Variants in FRMD4B observed in about 807,000 individuals in gnomAD.
The protein encoded by FRMD4B is FERM domain containing 4B, also known as FERM domain-containing protein 4B.
FRMD4B carries 74 observed loss-of-function variants against 141.5 expected under a neutral mutation model. The observed-to-expected ratio is 0.52, with a 90% CI of 0.43 to 0.63. The LOEUF (loss-of-function observed/expected upper bound fraction) is 0.63, where lower values mean the gene tolerates loss of function less well. Among genes scored for constraint, FRMD4B ranks in the 30% least tolerant of loss-of-function variants. FRMD4B has a pLI of 0.00. For missense variants in FRMD4B, 1,366 were observed against 1,253.4 expected (o/e 1.09, Z -1.36); for synonymous variants, 506 against 467.9 (o/e 1.08, Z -1.05).
intron 10 of FRMD4B, among the ~76,000 whole-genome samples, chr3:69,217,689 T>A (rs1168261492): frequency 6.6e-6 from 1 of 152,108 alleles, no homozygotes; most frequent in Non-Finnish European, 1.5e-5. Flanking sequence ...TTATGTAAAT[T>A]TTCTAATTCC....
chr3:69,357,069 C>T (rs896567470), intron 1 of FRMD4B, among the ~76,000 whole-genome samples: 2 of 152,282 alleles, frequency 1.3e-5, no homozygotes, highest in Admixed American at 6.5e-5. Context: ...AATGTGGGTG[C>T]TTATAAACAC....
At chr3:69,372,266 A>G (rs1432399998) in intron 1 of FRMD4B, among the ~76,000 whole-genome samples, 1 of 152,182 alleles carries the variant, frequency 6.6e-6, no homozygotes, top group Non-Finnish European at 1.5e-5. Context: ...GTGGACTCTG[A>G]GCTCCACAAG....
intron 1 of FRMD4B, among the ~76,000 whole-genome samples, chr3:69,326,017 T>C (rs928924704): frequency 1.3e-4 from 20 of 152,080 alleles, no homozygotes; most frequent in African/African-American, 3.4e-4. Context: ...GAGTGGACCA[T>C]AGCTCACTGT....
intron 7 of FRMD4B, among the ~76,000 whole-genome samples, chr3:69,244,831 T>C (rs960976366): frequency 2.0e-5 from 3 of 151,994 alleles, no homozygotes; most frequent in African/African-American, 7.3e-5. Context: ...GAGGTGGAGG[T>C]TGCAATGAGC....
At chr3:69,386,285 C>T (rs938465622), upstream of FRMD4B, 14 of 280,060 alleles carry the variant, frequency 5.0e-5, no homozygotes, top group Admixed American at 3.7e-4. Flanking sequence ...CCTCGATGCT[C>T]CCGGGGCACG....
At chr3:69,267,628 TATATATATAGAGAGAGAGAGAGAGAG>T (rs1310109386) in intron 5 of FRMD4B, among the ~76,000 whole-genome samples, 570 of 11,634 alleles carry the variant, frequency 0.049, 1 homozygote, top group Non-Finnish European at 0.072. Flanking sequence ...TATATATATA[TATATATATAGAGAGAGAGAGAGAGAG>T]AGAGAGAGAG....
intron 1 of FRMD4B, among the ~76,000 whole-genome samples, chr3:69,379,560 G>C (rs779833221): frequency 6.6e-6 from 1 of 152,192 alleles, no homozygotes; most frequent in Admixed American, 6.5e-5. Flanking sequence ...TTATAGGCAC[G>C]AGGTGCCACA....
intron 3 of FRMD4B, among the ~76,000 whole-genome samples, chr3:69,309,987 C>G (rs571756118): frequency 6.6e-6 from 1 of 152,112 alleles, no homozygotes; most frequent in African/African-American, 2.4e-5. Context: ...CTATGCATGT[C>G]GGCATTTCCC....
rs115071402 is a variant in FRMD4B, at chr3:69,170,489, C to T, written c.*1372G>A. On this transcript the variant is annotated 3_prime_UTR_variant, in exon 23 of 23. Transcript: ENST00000398540. ...ATGACTAAGGACCAGTTTAACAAAT[C>T]GTTTTTATGTATATATTACATGCTT... 250 of 151,794 alleles carry T rather than the reference C, an allele frequency of 1.6e-3. No individual in the cohort carries two copies. Among genetic ancestry groups the T allele is most frequent in the African/African-American group, 5.6e-3 (230 of 41,408 alleles). The allele number at this position is 151,794 out of a possible 1,614,324, so 9.4% of individuals were successfully genotyped here.
intron 1 of FRMD4B, among the ~76,000 whole-genome samples, chr3:69,364,927 T>G (rs1458629082): frequency 1.3e-5 from 2 of 152,160 alleles, no homozygotes; most frequent in African/African-American, 4.8e-5. Context: ...TAAATGAAGT[T>G]TAGGCCATTT....
chr3:69,305,415 CAAAAT>C (rs1240695762), intron 3 of FRMD4B, among the ~76,000 whole-genome samples: 1 of 152,146 alleles, frequency 6.6e-6, no homozygotes, highest in Non-Finnish European at 1.5e-5. Context: ...GTGTGTAAAA[CAAAAT>C]AAGATAGGAG....
Position 69,349,135 on chromosome 3 carries a change from C to A in FRMD4B, c.163-35618G>T, listed in dbSNP as rs548546952. ...GCAACTTCAGCAAAGTCTCAGGATACAAAATCAATGTGCTAAAATCACAAG... is the reference window on the plus strand; with the variant it reads ...GCAACTTCAGCAAAGTCTCAGGATAAAAAATCAATGTGCTAAAATCACAAG... On this transcript the variant is annotated intron_variant, in intron 1 of 22. Coordinates refer to ENST00000398540, the MANE Select transcript of FRMD4B (RefSeq NM_015123.3). Among the ~76,000 whole-genome samples, 5 of 152,324 alleles carry A rather than the reference C, an allele frequency of 3.3e-5. No homozygotes were observed. The East Asian group carries it at 7.7e-4, about 24-fold the overall frequency.
intron 1 of FRMD4B, among the ~76,000 whole-genome samples, chr3:69,332,586 A>C (rs908978994): frequency 3.3e-5 from 5 of 151,598 alleles, no homozygotes; most frequent in Non-Finnish European, 5.9e-5. Context: ...CTTTTTCTTT[A>C]TTTATTTTGA....
chr3:69,506,703 C>A (rs11720482), intron 1 of FRMD4B, among the ~76,000 whole-genome samples: 1 of 151,720 alleles, frequency 6.6e-6, no homozygotes, highest in African/African-American at 2.4e-5. Context: ...CCAGCTACAG[C>A]TAATTTTTTT....
intron 1 of FRMD4B, among the ~76,000 whole-genome samples, chr3:69,444,015 A>G (rs1301571493): frequency 2.0e-5 from 3 of 151,556 alleles, no homozygotes; most frequent in Admixed American, 6.6e-5. Flanking sequence ...GACTAACTTC[A>G]CCCATACCAG....
chr3:69,390,094 T>C (rs1337241806), upstream of FRMD4B, among the ~76,000 whole-genome samples: 8 of 152,184 alleles, frequency 5.3e-5, no homozygotes, highest in African/African-American at 1.7e-4. Context: ...CTGAGGCTCC[T>C]GTAGGTTCTC....
upstream of FRMD4B, among the ~76,000 whole-genome samples, chr3:69,386,514 T>C (rs1704259672): frequency 6.6e-6 from 1 of 152,088 alleles, no homozygotes; most frequent in South Asian, 2.1e-4. Flanking sequence ...TTACTCATCT[T>C]GCTCTGTTCA....
At chr3:69,497,160 A>G (rs892419121) in intron 1 of FRMD4B, among the ~76,000 whole-genome samples, 2 of 152,156 alleles carry the variant, frequency 1.3e-5, no homozygotes, top group African/African-American at 4.8e-5. Flanking sequence ...TAGCTATCCC[A>G]TCTTAGAATG....
chr3:69,237,693 CT>C (rs1269997471), intron 7 of FRMD4B, among the ~76,000 whole-genome samples: 1 of 152,200 alleles, frequency 6.6e-6, no homozygotes, highest in Non-Finnish European at 1.5e-5. Context: ...CTCAGCTTCT[CT>C]TTCATAGGAT....
Sources: allele counts gnomAD v4.1 joint callset (sites outside exome capture counted in the v4.1 genomes callset), GRCh38; gene constraint gnomAD v4.1.1; transcripts MANE v1.5; gene names NCBI Gene and HGNC (gene_info 2026-07-23, HGNC 2026-07-21).